The following TUBA4B variants were observed in gnomAD, a reference collection of about 807,000 sequenced individuals.
TUBA4B encodes the protein tubulin alpha 4b.
Under a neutral mutation model 18.4 loss-of-function variants are expected in TUBA4B, and 13 were observed. The observed-to-expected ratio is 0.71, with a 90% CI of 0.46 to 1.12. TUBA4B has a LOEUF of 1.12. Ranked by LOEUF, TUBA4B falls within the 50% of genes most tolerant of loss-of-function variation. TUBA4B has a pLI of 0.00. For synonymous variants in TUBA4B, 101 were observed against 99.1 expected (o/e 1.02, Z -0.11); for missense variants, 244 against 250.0 (o/e 0.98, Z 0.16).
At chr2:219,267,936 T>A (rs1334679331) in intron 2 of TUBA4B, among the ~76,000 whole-genome samples, 4 of 152,016 alleles carry the variant, frequency 2.6e-5, no homozygotes, top group Non-Finnish European at 5.9e-5. Flanking sequence ...CAGAGACACC[T>A]TGCATGGGCT....
At chr2:219,259,026 A>G (rs1046829072) in intron 1 of TUBA4B, among the ~76,000 whole-genome samples, 3 of 151,938 alleles carry the variant, frequency 2.0e-5, no homozygotes, top group African/African-American at 7.3e-5. Context: ...TCCCTCCTGT[A>G]AATCCTAGCA....
At chr2:219,269,339 C>A (rs1217202390) in intron 2 of TUBA4B, among the ~76,000 whole-genome samples, 2 of 152,168 alleles carry the variant, frequency 1.3e-5, no homozygotes, top group Admixed American at 6.5e-5. Context: ...TCATTCGATT[C>A]CTTCAATGTT....
rs1364378724 is a variant in TUBA4B, at chr2:219,266,703, G to A, written c.58+137G>A. On this transcript the variant is annotated intron_variant, in intron 2 of 3. Transcript: ENST00000490341. The stretch of plus-strand genomic sequence containing the variant: ...ATGTGGCGAGGTGGGGAGAGGGAAA[G>A]AGACTTCCAGATGTGGCTGTGGCCC... The A allele has an allele frequency of 2.7e-5, 17 of 625,034 alleles. No individual in the cohort carries two copies. In the Admixed American group the frequency reaches 4.2e-4, roughly 16 times the overall value. The allele number at this position is 625,034 out of a possible 1,614,324, so 38.7% of individuals were successfully genotyped here.
chr2:219,269,795 G>T (rs1951814225), intron 2 of TUBA4B, among the ~76,000 whole-genome samples: 2 of 152,080 alleles, frequency 1.3e-5, no homozygotes, highest in South Asian at 4.1e-4. Flanking sequence ...TGAAACTGGG[G>T]CTGGGAAACA....
Position 219,257,103 on chromosome 2 carries a change from G to A in TUBA4B, c.12+3684G>A, listed in dbSNP as rs367591061. Among the ~76,000 whole-genome samples the A allele has an allele frequency of 1.6e-4, 22 of 140,514 alleles. 1 individual carries two copies. The highest frequency in any genetic ancestry group is 5.5e-4 in the African/African-American group (21 of 37,942). The allele number at this position is 140,514 out of a possible 152,430, so 92.2% of individuals were successfully genotyped here. On this transcript the variant is annotated intron_variant, in intron 1 of 3. Transcript: ENST00000490341. Reference sequence around the variant, plus strand: ...CTGTTGCCCAGGCTGGAGTACAGTGGCGCGATCTCGGCTCACTGCAAGCTC... The same window carrying A: ...CTGTTGCCCAGGCTGGAGTACAGTGACGCGATCTCGGCTCACTGCAAGCTC...
chr2:219,253,945 A>C, intron 1 of TUBA4B: 156 of 792,200 alleles, frequency 2.0e-4, no homozygotes, highest in Non-Finnish European at 2.4e-4. Context: ...CACCGCCCTT[A>C]TAGGCGGGGG....
intron 2 of TUBA4B, 123 bp from the exon 3 acceptor site, chr2:219,270,079 C>A: frequency 1.6e-6 from 1 of 627,140 alleles, no homozygotes; most frequent in Non-Finnish European, 2.9e-6. Flanking sequence ...ATAGCAGCAG[C>A]CTGAATGCAG....
chr2:219,265,363 G>A (rs914496422), intron 1 of TUBA4B, among the ~76,000 whole-genome samples: 10 of 152,224 alleles, frequency 6.6e-5, no homozygotes, highest in Non-Finnish European at 1.5e-4. Context: ...CAGACTAGGC[G>A]CAGGGGCTCA....
rs1951830251 is a variant in TUBA4B at position 219,271,943 on chromosome 2, T to C, written c.*244T>C. On this transcript the variant is annotated 3_prime_UTR_variant, in exon 4 of 4. Transcript: ENST00000490341. ...TGCTGAGCAACATGACAGCCATCAC[T>C]ATGGCCTGGGCCCGCCTGGACCACA... 4 of 1,501,682 alleles carry C rather than the reference T, an allele frequency of 2.7e-6. No individual in the cohort carries two copies. The highest frequency in any genetic ancestry group is 2.3e-5 in the East Asian group (1 of 44,280). 93.0% of individuals were successfully genotyped at this position (1,501,682 alleles called of 1,614,324 possible). A position where few individuals can be genotyped will look rare whatever the true frequency, so the allele number is the denominator to read the frequency against.
chr2:219,253,768 GA>G, intron 1 of TUBA4B: 1 of 1,464,902 alleles, frequency 6.8e-7, no homozygotes, highest in Non-Finnish European at 9.3e-7. Flanking sequence ...ACGCCCGGTG[GA>G]GGTCCCCGAG....
At chr2:219,269,160 G>C (rs1559282030) in intron 2 of TUBA4B, among the ~76,000 whole-genome samples, 1 of 151,982 alleles carries the variant, frequency 6.6e-6, no homozygotes, top group Non-Finnish European at 1.5e-5. Context: ...AATAGAATCT[G>C]TCTCCAATTG....
intron 3 of TUBA4B, among the ~76,000 whole-genome samples, chr2:219,270,536 C>T (rs539661312): frequency 2.0e-5 from 3 of 152,252 alleles, no homozygotes; most frequent in East Asian, 1.9e-4. Flanking sequence ...CCTGTATCTC[C>T]GAAGTGGCTG....
At chr2:219,268,965 G>A (rs1305072873) in intron 2 of TUBA4B, among the ~76,000 whole-genome samples, 5 of 152,124 alleles carry the variant, frequency 3.3e-5, no homozygotes, top group African/African-American at 1.2e-4. Context: ...GCATGGTGGT[G>A]CATGCCTGTA....
rs770214122 is a variant in TUBA4B, at chr2:219,270,254, TG to T, written c.112del (p.Ala38LeufsTer55). ...AGCAGCTCATCACAGGCAAGGAAGA[TG>T]CTGCCAATAACTATGCCTGGGGCCA... ...PEQLITGKED[A>X]ANNYAWGHYT... On this transcript the variant is annotated frameshift_variant, in exon 3 of 4. Coordinates refer to ENST00000490341, the MANE Select transcript of TUBA4B (RefSeq NM_001355221.1). LOFTEE classifies it high-confidence loss of function. 5 of 770,156 alleles carry T rather than the reference TG, an allele frequency of 6.5e-6. No individual in the cohort carries two copies. In the African/African-American group the frequency reaches 8.5e-5, roughly 13 times the overall value. The allele number at this position is 770,156 out of a possible 1,614,324, so 47.7% of individuals were successfully genotyped here.
At chr2:219,266,725 GCCC>G (rs1473081391) in intron 2 of TUBA4B, among the ~76,000 whole-genome samples, 159 bp downstream of exon 2, 3 of 152,122 alleles carry the variant, frequency 2.0e-5, no homozygotes, top group Non-Finnish European at 2.9e-5. Flanking sequence ...TGTGGCTGTG[GCCC>G]CCAAATGTGC....
At chr2:219,253,474 G>T in intron 1 of TUBA4B, 55 bp downstream of exon 1, 1 of 1,354,134 alleles carries the variant, frequency 7.4e-7, no homozygotes, top group Non-Finnish European at 1.0e-6. Context: ...TCAGTGCTGA[G>T]GACCAGGGAC....
At chr2:219,263,628 A>T (rs767303711) in intron 1 of TUBA4B, among the ~76,000 whole-genome samples, 16 of 152,210 alleles carry the variant, frequency 1.1e-4, no homozygotes, top group Non-Finnish European at 2.2e-4. Context: ...TGGGCCCCAT[A>T]TCACTCCATC....
Position 219,272,107 on chromosome 2 carries a change from T to A in TUBA4B, c.*408T>A. The A allele has an allele frequency of 2.3e-6, 2 of 871,462 alleles. No homozygotes were observed. Among genetic ancestry groups the A allele is most frequent in the Non-Finnish European group, 3.7e-6 (2 of 544,600 alleles). 54.0% of individuals were successfully genotyped at this position (871,462 alleles called of 1,614,324 possible). ...TACAAGGAGGTGGGCATGGATAGTG[T>A]GGAGTGGGGGGAAGAAAAGATAGGG... On this transcript the variant is annotated 3_prime_UTR_variant, in exon 4 of 4. Transcript: ENST00000490341.
intron 1 of TUBA4B, among the ~76,000 whole-genome samples, chr2:219,262,490 C>T (rs912485673): frequency 1.3e-5 from 2 of 152,164 alleles, no homozygotes; most frequent in Middle Eastern, 3.4e-3. Flanking sequence ...GTCTGTCTTC[C>T]CCATGAAAAT....
Sources: allele counts gnomAD v4.1 joint callset (sites outside exome capture counted in the v4.1 genomes callset), GRCh38; gene constraint gnomAD v4.1.1; transcripts MANE v1.5; gene names NCBI Gene and HGNC (gene_info 2026-07-23, HGNC 2026-07-21).